Variants in PIEZO2 observed in about 807,000 individuals in gnomAD.
PIEZO2 encodes piezo-type mechanosensitive ion channel component 2.
PIEZO2 carries 172 observed loss-of-function variants against 337.3 expected under a neutral mutation model. The observed-to-expected ratio is 0.51, with a 90% CI of 0.45 to 0.58. PIEZO2 has a LOEUF of 0.58. PIEZO2 is among the 20% of genes least tolerant of loss of function. PIEZO2 has a pLI of 0.00. For synonymous variants in PIEZO2, 1,251 were observed against 1,228.5 expected (o/e 1.02, Z -0.38); for missense variants, 3,028 against 3,391.3 (o/e 0.89, Z 2.66).
chr18:10,796,263 G>A (rs181877554), intron 12 of PIEZO2, among the ~76,000 whole-genome samples: 69 of 151,968 alleles, frequency 4.5e-4, no homozygotes, highest in African/African-American at 1.5e-3. Flanking sequence ...CCAGCTACTC[G>A]GGAGGCTGAG....
rs2039444460 is a variant in PIEZO2 at position 11,102,338 on chromosome 18, C to G, written c.65-36116G>C. The stretch of plus-strand genomic sequence containing the variant: ...TTTCTGCTCTCTCTTAGATAACAGA[C>G]AGTTTTTGGTAATAAGTTACCAGCA... On this transcript the variant is annotated intron_variant, in intron 1 of 55. Transcript: ENST00000674853. This position sits in a 1 kb window ranked among gnomAD's most constrained non-coding sequence, Gnocchi z 5.7. Among the ~76,000 whole-genome samples the G allele has an allele frequency of 6.6e-6, 1 of 152,186 alleles. No individual in the cohort carries two copies. Among genetic ancestry groups the G allele is most frequent in the Non-Finnish European group, 1.5e-5 (1 of 68,036 alleles).
chr18:10,736,158 G>T (rs2036985430), intron 34 of PIEZO2, among the ~76,000 whole-genome samples: 1 of 152,184 alleles, frequency 6.6e-6, no homozygotes, highest in Non-Finnish European at 1.5e-5. Context: ...ATATGAAACG[G>T]TTTTCAAACT....
intron 8 of PIEZO2, among the ~76,000 whole-genome samples, chr18:10,804,953 G>A (rs2039949575): frequency 6.6e-6 from 1 of 152,126 alleles, no homozygotes; most frequent in Non-Finnish European, 1.5e-5. Context: ...ACATACCCCT[G>A]CAGACCTCGT....
In PIEZO2 at chr18:11,126,251, A is replaced by C. The variant is rs1177170227; in HGVS notation, c.64+22274T>G. 6.6e-6 allele frequency among the ~76,000 whole-genome samples: 1 copy of C among 152,112 alleles called. No individual in the cohort carries two copies. The highest frequency in any genetic ancestry group is 1.5e-5 in the Non-Finnish European group (1 of 68,024). ...TTCAACATGAAGTTTTTACTATCAC[A>C]GTTTTGTTTATTATTTTCCAGAAAT... On this transcript the variant is annotated intron_variant, in intron 1 of 55. Transcript: ENST00000674853. This position sits in a 1 kb window ranked among gnomAD's most constrained non-coding sequence, Gnocchi z 4.6.
rs1291567894 is a variant in PIEZO2 at position 10,896,116 on chromosome 18, A to G, written c.329+15070T>C. On this transcript the variant is annotated intron_variant, in intron 4 of 55. Coordinates refer to ENST00000674853, the MANE Select transcript of PIEZO2 (RefSeq NM_001378183.1). ...GAAAGAAAGAAAAGAAAAGTAACTT[A>G]GGCCAATGTGCAGATGACTCAGAAC... Among the ~76,000 whole-genome samples the G allele has an allele frequency of 2.0e-5, 3 of 152,162 alleles. No individual in the cohort carries two copies. The South Asian group carries it at 6.2e-4, about 32-fold the overall frequency.
chr18:10,905,581 CAA>C (rs11318022), intron 4 of PIEZO2, among the ~76,000 whole-genome samples: 2,333 of 127,918 alleles, frequency 0.018, 51 homozygotes, highest in African/African-American at 0.05. Flanking sequence ...GAAACTGTTT[CAA>C]AAAAAAAAAA....
At chr18:11,030,516 C>T (rs566755703) in intron 2 of PIEZO2, among the ~76,000 whole-genome samples, 32 of 152,102 alleles carry the variant, frequency 2.1e-4, no homozygotes, top group Non-Finnish European at 4.7e-4. Flanking sequence ...GTAGTGGTTA[C>T]GGGAAGGAGT....
intron 2 of PIEZO2, among the ~76,000 whole-genome samples, chr18:10,999,414 AT>A: frequency 6.6e-6 from 1 of 152,232 alleles, no homozygotes; most frequent in South Asian, 2.1e-4. Flanking sequence ...TGAAAAATAT[AT>A]TTTTTAGAAA....
At chr18:10,825,550 C>CTTTTTTTTTTTTTTTTTTTTTT (rs57159292) in intron 7 of PIEZO2, among the ~76,000 whole-genome samples, 2 of 113,862 alleles carry the variant, frequency 1.8e-5, no homozygotes, top group Non-Finnish European at 3.4e-5. Flanking sequence ...TCCTTTCTTC[C>CTTTTTTTTTTTTTTTTTTTTTT]TTTTTTTTTT....
intron 4 of PIEZO2, among the ~76,000 whole-genome samples, chr18:10,879,500 A>C (rs2042357424): frequency 7.0e-6 from 1 of 142,088 alleles, no homozygotes. Flanking sequence ...GGTTCATGCC[A>C]TTCTGCTGCC....
intron 5 of PIEZO2, among the ~76,000 whole-genome samples, chr18:10,869,243 A>G (rs1445161915): frequency 6.6e-6 from 1 of 152,206 alleles, no homozygotes; most frequent in East Asian, 1.9e-4. Flanking sequence ...TTGTCTCAGC[A>G]TCACACACTA....
chr18:11,075,475 T>A (rs1270946853), intron 1 of PIEZO2, among the ~76,000 whole-genome samples: 1 of 152,222 alleles, frequency 6.6e-6, no homozygotes, highest in Admixed American at 6.5e-5. Flanking sequence ...TTTACATCGG[T>A]TGAAACCGTA....
In PIEZO2 at chr18:10,777,118, T is replaced by A. The variant is rs146951081; in HGVS notation, c.2535-3080A>T. On this transcript the variant is annotated intron_variant, in intron 18 of 55. Coordinates refer to ENST00000674853, the MANE Select transcript of PIEZO2 (RefSeq NM_001378183.1). ...CTCCACTGCCTTCAATCAGGCTGCT[T>A]TGGATGTCTTTCTCCACAGGAAGTG... Among the ~76,000 whole-genome samples the A allele has an allele frequency of 4.7e-4, 72 of 152,280 alleles. 1 individual carries two copies. In the East Asian group the frequency reaches 0.013, roughly 28 times the overall value.
chr18:10,868,960 G>A (rs2042073552), intron 5 of PIEZO2, among the ~76,000 whole-genome samples: 2 of 152,214 alleles, frequency 1.3e-5, no homozygotes, highest in Admixed American at 1.3e-4. Context: ...TGGCACAGAA[G>A]AGATTCTTTT....
rs1316574103 is a variant in PIEZO2 at position 10,731,388 on chromosome 18, C to T, written c.5029+19G>A. The T allele has an allele frequency of 1.5e-5, 22 of 1,512,506 alleles. No homozygotes were observed. The highest frequency in any genetic ancestry group is 2.0e-5 in the Non-Finnish European group (22 of 1,128,060). 93.7% of individuals were successfully genotyped at this position (1,512,506 alleles called of 1,614,324 possible). A position where few individuals can be genotyped will look rare whatever the true frequency, so the allele number is the denominator to read the frequency against. On this transcript the variant is annotated intron_variant, in intron 36 of 55. Transcript: ENST00000674853. ...TGAAACCTGCCACACCCACCACAGC[C>T]ACCCCACCCACCACTCACCCTCCTT...
intron 7 of PIEZO2, among the ~76,000 whole-genome samples, chr18:10,851,312 C>G (rs888351219): frequency 6.6e-6 from 1 of 151,964 alleles, no homozygotes; most frequent in Admixed American, 6.6e-5. Context: ...GTCCTGTTAT[C>G]GGCAAGTTAA....
chr18:10,981,232 G>A (rs533125138), intron 2 of PIEZO2, among the ~76,000 whole-genome samples: 17 of 152,022 alleles, frequency 1.1e-4, no homozygotes, highest in African/African-American at 4.1e-4. Flanking sequence ...TTTTTAAAGT[G>A]TTATGTCATA....
Position 10,964,493 on chromosome 18 carries a change from C to T in PIEZO2, c.286+15042G>A, listed in dbSNP as rs138327233. ...TCTTCACTATTTTTAAAAAAGCATT[C>T]GGTTATTTAAAATCTACTAAATTAG... On this transcript the variant is annotated intron_variant, in intron 3 of 55. Coordinates refer to ENST00000674853, the MANE Select transcript of PIEZO2 (RefSeq NM_001378183.1). Among the ~76,000 whole-genome samples, 17 of 152,194 alleles carry T rather than the reference C, an allele frequency of 1.1e-4. No homozygotes were observed. In the East Asian group the frequency reaches 1.2e-3, roughly 10 times the overall value.
At chr18:11,095,469 A>T (rs2039236148) in intron 1 of PIEZO2, among the ~76,000 whole-genome samples, 1 of 152,222 alleles carries the variant, frequency 6.6e-6, no homozygotes, top group Non-Finnish European at 1.5e-5. Context: ...GTCAGACCTC[A>T]GTTAGAACAC....
Sources: allele counts gnomAD v4.1 joint callset (sites outside exome capture counted in the v4.1 genomes callset), GRCh38; gene constraint gnomAD v4.1.1; non-coding constraint Gnocchi (gnomAD v3.1); transcripts MANE v1.5; gene names NCBI Gene and HGNC (gene_info 2026-07-23, HGNC 2026-07-21).